The following SSBP2 variants were observed in gnomAD, a reference collection of about 807,000 sequenced individuals.
The protein encoded by SSBP2 is single-stranded DNA-binding protein 2.
A neutral mutation model predicts 61.8 loss-of-function variants in SSBP2; 17 were observed. The observed-to-expected ratio is 0.28, with a 90% CI of 0.19 to 0.41. SSBP2 has a LOEUF of 0.41. Ranked by LOEUF, SSBP2 falls within the 10% of genes least tolerant of loss-of-function variation. The pLI, the probability that SSBP2 is intolerant of heterozygous loss-of-function variation, is 1.00. For synonymous variants in SSBP2, 139 were observed against 141.3 expected (o/e 0.98, Z 0.12); for missense variants, 310 against 458.7 (o/e 0.68, Z 2.96).
At chr5:81,681,725 A>C (rs453068) in intron 1 of SSBP2, among the ~76,000 whole-genome samples, 56,796 of 151,894 alleles carry the variant, frequency 0.37, 11,001 homozygotes, top group Middle Eastern at 0.58. Context: ...AAATCTGAGC[A>C]GAAATCAATG....
At chr5:81,434,358 T>C (rs1217816361) in intron 15 of SSBP2, among the ~76,000 whole-genome samples, 1 of 152,016 alleles carries the variant, frequency 6.6e-6, no homozygotes, top group Non-Finnish European at 1.5e-5. Flanking sequence ...AGAGGGACTT[T>C]GAAAATTACC....
At chr5:81,584,995 A>T (rs1774953661) in intron 4 of SSBP2, among the ~76,000 whole-genome samples, 1 of 152,164 alleles carries the variant, frequency 6.6e-6, no homozygotes, top group Non-Finnish European at 1.5e-5. Flanking sequence ...AAAGAGAAAT[A>T]CATAATAGTC....
intron 1 of SSBP2, among the ~76,000 whole-genome samples, chr5:81,748,919 T>C (rs1757525462): frequency 6.6e-6 from 1 of 152,066 alleles, no homozygotes; most frequent in Admixed American, 6.5e-5. Flanking sequence ...AATCAAGCAG[T>C]CCTCAGGATA....
intron 2 of SSBP2, among the ~76,000 whole-genome samples, chr5:81,648,268 TCTAA>T (rs1447415926): frequency 1.3e-5 from 2 of 152,158 alleles, no homozygotes; most frequent in African/African-American, 2.4e-5. Flanking sequence ...CCCTAAGTCT[TCTAA>T]CTAATGATTT....
intron 1 of SSBP2, among the ~76,000 whole-genome samples, chr5:81,729,330 G>A (rs890977974): frequency 1.3e-5 from 2 of 152,040 alleles, no homozygotes; most frequent in African/African-American, 2.4e-5. Context: ...AAGAAATAAC[G>A]TGAAGATAGG....
chr5:81,643,815 C>T lies in SSBP2; in HGVS notation c.135+6452G>A, dbSNP rs192949943. On this transcript the variant is annotated intron_variant, in intron 2 of 16. Transcript: ENST00000320672. ...ACGGGATTTCACCATGTTGGCCAGG[C>T]TGGTCTCAAACTCCTGACCTCATGC... Among the ~76,000 whole-genome samples, 15 of 152,020 alleles carry T rather than the reference C, an allele frequency of 9.9e-5. No homozygotes were observed. In the East Asian group the frequency reaches 2.7e-3, roughly 28 times the overall value.
At chr5:81,463,887 GTC>G (rs549441160) in intron 9 of SSBP2, among the ~76,000 whole-genome samples, 193 of 149,668 alleles carry the variant, frequency 1.3e-3, no homozygotes, top group African/African-American at 4.6e-3. Context: ...TCGTGCCTCA[GTC>G]TCTCAAGAAG....
At chr5:81,660,807 C>T (rs1750622255) in intron 1 of SSBP2, among the ~76,000 whole-genome samples, 1 of 152,106 alleles carries the variant, frequency 6.6e-6, no homozygotes, top group Non-Finnish European at 1.5e-5. Flanking sequence ...CACATACACA[C>T]CATGGAATAC....
At chr5:81,640,564 C>T (rs1205037223) in intron 2 of SSBP2, among the ~76,000 whole-genome samples, 2 of 151,784 alleles carry the variant, frequency 1.3e-5, no homozygotes, top group South Asian at 2.1e-4. Context: ...TTCAGTTCAT[C>T]GACATTTTAT....
intron 1 of SSBP2, among the ~76,000 whole-genome samples, chr5:81,739,336 T>A (rs942230014): frequency 5.9e-5 from 9 of 152,180 alleles, no homozygotes; most frequent in African/African-American, 2.2e-4. Context: ...TTGCTGTACA[T>A]GATTCTCTCT....
intron 5 of SSBP2, among the ~76,000 whole-genome samples, chr5:81,494,543 G>A (rs529639222): frequency 1.7e-4 from 26 of 152,310 alleles, no homozygotes; most frequent in African/African-American, 6.0e-4. Context: ...AGGCACAAGA[G>A]AGATGATCTC....
chr5:81,445,245 G>C (rs1484356653), intron 12 of SSBP2, among the ~76,000 whole-genome samples: 1 of 140,940 alleles, frequency 7.1e-6, no homozygotes, highest in African/African-American at 2.6e-5. Flanking sequence ...TGGATCTCCT[G>C]GGACCTCCTT....
intron 1 of SSBP2, among the ~76,000 whole-genome samples, chr5:81,696,870 G>A (rs748506269): frequency 3.9e-5 from 6 of 152,122 alleles, no homozygotes; most frequent in African/African-American, 4.8e-5. Flanking sequence ...GTGCAGCACC[G>A]TATTCCTCAC....
intron 1 of SSBP2, among the ~76,000 whole-genome samples, chr5:81,740,021 C>T (rs187291589): frequency 5.8e-4 from 88 of 152,212 alleles, no homozygotes; most frequent in African/African-American, 1.9e-3. Context: ...GCATCAACAA[C>T]CTTTAATATT....
intron 1 of SSBP2, among the ~76,000 whole-genome samples, chr5:81,682,262 A>G (rs186517840): frequency 6.6e-6 from 1 of 152,306 alleles, no homozygotes; most frequent in East Asian, 1.9e-4. Flanking sequence ...TGACAGACCA[A>G]TATCTCTCAT....
Position 81,522,397 on chromosome 5 carries a change from T to G in SSBP2, c.283-8680A>C, listed in dbSNP as rs1023896162. On this transcript the variant is annotated intron_variant, in intron 4 of 16. Transcript: ENST00000320672. ...GAGTAACGTACCTGAGTGATTTTTTTAAATACAATTTTTATAAACTTTCTG... is the reference window on the plus strand; with the variant it reads ...GAGTAACGTACCTGAGTGATTTTTTGAAATACAATTTTTATAAACTTTCTG... Among the ~76,000 whole-genome samples, 7 of 152,176 alleles carry G rather than the reference T, an allele frequency of 4.6e-5. No individual in the cohort carries two copies. In the East Asian group the frequency reaches 1.4e-3, roughly 29 times the overall value.
At chr5:81,570,981 G>GT (rs1338135763) in intron 4 of SSBP2, among the ~76,000 whole-genome samples, 2 of 152,086 alleles carry the variant, frequency 1.3e-5, no homozygotes, top group East Asian at 3.9e-4. Flanking sequence ...TATCACATCT[G>GT]TTTTTTGTCC....
At chr5:81,590,621 A>G (rs1775425850) in intron 4 of SSBP2, among the ~76,000 whole-genome samples, 2 of 152,212 alleles carry the variant, frequency 1.3e-5, no homozygotes, top group African/African-American at 4.8e-5. Flanking sequence ...TGTTTTCCAC[A>G]TACCTCACAA....
chr5:81,458,991 G>A (rs916411859), intron 10 of SSBP2, among the ~76,000 whole-genome samples: 3 of 152,160 alleles, frequency 2.0e-5, no homozygotes, highest in Non-Finnish European at 2.9e-5. Flanking sequence ...TTGAGTAAGG[G>A]TAGATGTTTG....
Sources: gnomAD v4.1 joint callset for allele counts (sites outside exome capture counted in the v4.1 genomes callset) on GRCh38, gnomAD v4.1.1 for gene constraint, MANE v1.5 for transcripts, NCBI Gene and HGNC (gene_info 2026-07-23, HGNC 2026-07-21) for gene names.